Variants in HIBADH observed in about 807,000 individuals in gnomAD.
HIBADH encodes 3-hydroxyisobutyrate dehydrogenase, mitochondrial.
HIBADH carries 25 observed loss-of-function variants against 36.1 expected under a neutral mutation model. The ratio of observed to expected loss-of-function variants is 0.69; its 90% CI spans 0.50 to 0.97. HIBADH has a LOEUF of 0.97. Among genes scored for constraint, HIBADH ranks in the 50% least tolerant of loss-of-function variants. The pLI is 0.00. For synonymous variants in HIBADH, 160 were observed against 149.5 expected (o/e 1.07, Z -0.51); for missense variants, 421 against 418.0 (o/e 1.01, Z -0.06).
chr7:27,615,677 C>T (rs1020698682), intron 4 of HIBADH, among the ~76,000 whole-genome samples: 6 of 151,994 alleles, frequency 3.9e-5, no homozygotes, highest in Admixed American at 2.6e-4. Flanking sequence ...AAGTGTAGCA[C>T]ACAACAATTA....
At chr7:27,653,084 G>A (rs758033245) in intron 1 of HIBADH, among the ~76,000 whole-genome samples, 7 of 151,954 alleles carry the variant, frequency 4.6e-5, no homozygotes, top group Admixed American at 3.3e-4. Flanking sequence ...AGCCAAGATC[G>A]CACCACTGCA....
rs1023834043 is a variant in HIBADH at position 27,662,826 on chromosome 7, C to T, written c.-38G>A. On this transcript the variant is annotated 5_prime_UTR_variant, in exon 1 of 8. Transcript: ENST00000265395. ...CCTCTCCCCGCGGTGACCTCCGCCG[C>T]CTCCCGGAGGGCCCACAGACTGCGA... The T allele has an allele frequency of 7.0e-6, 10 of 1,423,484 alleles. No homozygotes were observed. The highest frequency in any genetic ancestry group is 9.3e-6 in the Non-Finnish European group (10 of 1,071,878). 88.2% of individuals were successfully genotyped at this position (1,423,484 alleles called of 1,614,324 possible).
At chr7:27,529,324 C>T (rs926172113) in intron 7 of HIBADH, among the ~76,000 whole-genome samples, 2 of 152,172 alleles carry the variant, frequency 1.3e-5, no homozygotes, top group Admixed American at 6.5e-5. Context: ...AGTGATTCCT[C>T]TGACAGCTCT....
At chr7:27,560,041 A>C (rs1440422805) in intron 4 of HIBADH, among the ~76,000 whole-genome samples, 1 of 152,208 alleles carries the variant, frequency 6.6e-6, no homozygotes, top group African/African-American at 2.4e-5. Context: ...GTTCCACTAT[A>C]AGACATCCCT....
chr7:27,598,633 T>C (rs1257334316), intron 4 of HIBADH, among the ~76,000 whole-genome samples: 2 of 152,024 alleles, frequency 1.3e-5, no homozygotes, highest in East Asian at 3.9e-4. Context: ...ACATTTATCA[T>C]ACCTAGCAAA....
chr7:27,594,879 T>A (rs902879542), intron 4 of HIBADH, among the ~76,000 whole-genome samples: 9 of 152,218 alleles, frequency 5.9e-5, no homozygotes, highest in Non-Finnish European at 1.3e-4. Context: ...TCATTAAATA[T>A]ATTTTTAAAA....
At chr7:27,527,622 A>C (rs1175001956) in intron 7 of HIBADH, among the ~76,000 whole-genome samples, 4 of 152,280 alleles carry the variant, frequency 2.6e-5, no homozygotes, top group Non-Finnish European at 5.9e-5. Context: ...TGCATTGAGC[A>C]AGTCTATCAG....
intron 4 of HIBADH, among the ~76,000 whole-genome samples, chr7:27,619,428 A>G (rs572560144): frequency 6.6e-6 from 1 of 152,374 alleles, no homozygotes; most frequent in East Asian, 1.9e-4. Context: ...TGACATCTCC[A>G]AAGGAATACA....
chr7:27,625,563 C>A (rs1785625132), intron 4 of HIBADH, among the ~76,000 whole-genome samples: 1 of 151,920 alleles, frequency 6.6e-6, no homozygotes, highest in African/African-American at 2.4e-5. Flanking sequence ...ATCAGGGAAA[C>A]AAGAACTTCA....
intron 6 of HIBADH, among the ~76,000 whole-genome samples, chr7:27,535,259 CA>C (rs909406946): frequency 2.6e-5 from 4 of 151,764 alleles, no homozygotes; most frequent in Admixed American, 1.3e-4. Context: ...TGGCCATTTA[CA>C]AATTACAAAC....
At chr7:27,632,037 G>C (rs1785754795) in intron 3 of HIBADH, among the ~76,000 whole-genome samples, 1 of 152,082 alleles carries the variant, frequency 6.6e-6, no homozygotes, top group South Asian at 2.1e-4. Flanking sequence ...ATTAACAGTT[G>C]CAGTTTCAAA....
chr7:27,588,238 T>C (rs1483877561), intron 4 of HIBADH, among the ~76,000 whole-genome samples: 2 of 152,250 alleles, frequency 1.3e-5, no homozygotes, highest in Admixed American at 6.5e-5. Context: ...TTTGGTTTGC[T>C]TCATTTGCTA....
intron 4 of HIBADH, among the ~76,000 whole-genome samples, chr7:27,585,644 G>C (rs1373973998): frequency 6.6e-6 from 1 of 152,146 alleles, no homozygotes; most frequent in Non-Finnish European, 1.5e-5. Context: ...AAAAGCATTT[G>C]TAAGACGATT....
intron 4 of HIBADH, among the ~76,000 whole-genome samples, chr7:27,554,205 C>G (rs923645058): frequency 5.9e-5 from 9 of 152,152 alleles, no homozygotes; most frequent in African/African-American, 2.2e-4. Flanking sequence ...AGGCTGGTCT[C>G]GAACTCCTGA....
intron 2 of HIBADH, among the ~76,000 whole-genome samples, chr7:27,645,684 TCTGA>T (rs1262247195): frequency 9.9e-5 from 15 of 152,128 alleles, no homozygotes; most frequent in Non-Finnish European, 1.8e-4. Context: ...ACCCGGCTGT[TCTGA>T]CTATGTTTCT....
At chr7:27,609,856 C>T (rs1253529637) in intron 4 of HIBADH, among the ~76,000 whole-genome samples, 1 of 151,980 alleles carries the variant, frequency 6.6e-6, no homozygotes, top group Non-Finnish European at 1.5e-5. Context: ...CTTGCTCTGT[C>T]GCCCAGGCTG....
chr7:27,614,208 C>G (rs1411794168), intron 4 of HIBADH, among the ~76,000 whole-genome samples: 1 of 152,114 alleles, frequency 6.6e-6, no homozygotes, highest in Non-Finnish European at 1.5e-5. Context: ...TTAAGTTGTT[C>G]TGAGTATTTC....
At chr7:27,654,278 G>A (rs1786253833) in intron 1 of HIBADH, among the ~76,000 whole-genome samples, 1 of 152,174 alleles carries the variant, frequency 6.6e-6, no homozygotes, top group South Asian at 2.1e-4. Flanking sequence ...TGTAACTAGA[G>A]TCCTCAAATG....
At chr7:27,538,234 C>T in intron 6 of HIBADH, 107 bp downstream of exon 6, 1 of 844,062 alleles carries the variant, frequency 1.2e-6, no homozygotes, top group Non-Finnish European at 1.9e-6. Flanking sequence ...TCAAAATGTT[C>T]TTGGATCAAC....
Sources: allele counts gnomAD v4.1 joint callset (sites outside exome capture counted in the v4.1 genomes callset), GRCh38; gene constraint gnomAD v4.1.1; transcripts MANE v1.5; gene names NCBI Gene and HGNC (gene_info 2026-07-23, HGNC 2026-07-21).